Variants in TXNRD3 observed in about 807,000 individuals in gnomAD.
TXNRD3 encodes the protein thioredoxin reductase 3, also known as TXNRD3 neighbor gene protein.
In TXNRD3, 68 loss-of-function variants were observed where a neutral mutation model predicts 78.2. The ratio of observed to expected loss-of-function variants is 0.87; its 90% CI spans 0.72 to 1.06. The LOEUF (loss-of-function observed/expected upper bound fraction) is 1.06, where lower values mean the gene tolerates loss of function less well. Among genes scored for constraint, TXNRD3 ranks in the 50% least tolerant of loss-of-function variants. TXNRD3 has a pLI of 0.00. For synonymous variants in TXNRD3, 296 were observed against 300.1 expected, an observed-to-expected ratio of 0.99 and a Z score of 0.14; for missense variants, 751 against 809.5, an observed-to-expected ratio of 0.93 and a Z score of 0.88.
At chr3:126,640,263 C>T (rs1317991814) in intron 6 of TXNRD3, among the ~76,000 whole-genome samples, 37 of 33,990 alleles carry the variant, frequency 1.1e-3, no homozygotes, top group Non-Finnish European at 1.9e-3. Context: ...CGCCACTACG[C>T]CCGGCTAATT....
At chr3:126,626,064 A>T (rs1325664159) in intron 10 of TXNRD3, 1 of 152,250 alleles carries the variant, frequency 6.6e-6, no homozygotes, top group African/African-American at 2.4e-5. Context: ...TTTCTTTTCA[A>T]AAGTCTCCAA....
At chr3:126,627,466 G>A (rs1938606408) in intron 10 of TXNRD3, among the ~76,000 whole-genome samples, 2 of 152,216 alleles carry the variant, frequency 1.3e-5, no homozygotes, top group South Asian at 2.1e-4. Context: ...CTAAAGGAGT[G>A]TGGATTACAT....
At chr3:126,640,324 G>A (rs1933042567) in intron 6 of TXNRD3, among the ~76,000 whole-genome samples, 1 of 76,222 alleles carries the variant, frequency 1.3e-5, no homozygotes, top group African/African-American at 3.8e-5. Context: ...AGCCAGGATG[G>A]TCTCGATCTC....
chr3:126,654,669 CCGGACCCG>C, intron 1 of TXNRD3, 71 bp downstream of exon 1: 1 of 1,024,528 alleles, frequency 9.8e-7, no homozygotes, highest in Non-Finnish European at 1.2e-6. Flanking sequence ...GCGCCCCGGC[CCGGACCCG>C]CCCTGCCCCG....
intron 10 of TXNRD3, among the ~76,000 whole-genome samples, chr3:126,625,483 A>T (rs1431572943): frequency 3.3e-5 from 5 of 151,532 alleles, no homozygotes; most frequent in East Asian, 3.9e-4. Context: ...AAGGACATGA[A>T]CTCATCATTT....
At chr3:126,638,227 G>A (rs1043583795) in intron 6 of TXNRD3, among the ~76,000 whole-genome samples, 11 of 152,134 alleles carry the variant, frequency 7.2e-5, no homozygotes, top group African/African-American at 2.7e-4. Context: ...ACAGGCGTGA[G>A]CCACCACGTC....
chr3:126,654,797 C>T lies in TXNRD3; in HGVS notation c.194G>A (p.Arg65His). Residue 65 changes from arginine to histidine, a missense_variant, in exon 1 of 16, where the codon CGC (arginine) becomes CAC (histidine). Transcript: ENST00000524230. ...CTTGCTGAAGATCACCACCCGGCTGCGCTCGATGAGGCCCACGAGGTGGCG... is the reference window on the plus strand; with the variant it reads ...CTTGCTGAAGATCACCACCCGGCTGTGCTCGATGAGGCCCACGAGGTGGCG... 7.0e-7 allele frequency: 1 copy of T among 1,431,288 alleles called. No individual in the cohort carries two copies. The highest frequency in any genetic ancestry group is 9.1e-7 in the Non-Finnish European group (1 of 1,093,598). 88.7% of individuals were successfully genotyped at this position (1,431,288 alleles called of 1,614,324 possible).
intron 12 of TXNRD3, among the ~76,000 whole-genome samples, chr3:126,618,612 T>C (rs926048674): frequency 4.6e-5 from 7 of 152,080 alleles, no homozygotes; most frequent in Non-Finnish European, 7.4e-5. Flanking sequence ...ATAAAACTAC[T>C]AGAGGAAAAC....
In TXNRD3 at chr3:126,623,851, C is replaced by CAAAAAAAAAAAAAA. The variant is rs758992893; in HGVS notation, c.1291-1312_1291-1311insTTTTTTTTTTTTTT. Among the ~76,000 whole-genome samples, 26 of 89,764 alleles carry CAAAAAAAAAAAAAA rather than the reference C, an allele frequency of 2.9e-4. 4 individuals carry two copies. The highest frequency in any genetic ancestry group is 4.4e-4 in the South Asian group (1 of 2,286). The allele number at this position is 89,764 out of a possible 152,430, so 58.9% of individuals were successfully genotyped here. ...GGAGGTATTAGCCAGTGAAACAAGG[C>CAAAAAAAAAAAAAA]CAAAAAAAAAAAAAAAAAAGATTAA... On this transcript the variant is annotated intron_variant, in intron 10 of 15. Coordinates refer to ENST00000524230, the MANE Select transcript of TXNRD3 (RefSeq NM_052883.3).
In TXNRD3 at chr3:126,618,863, CAAAAAAAA is replaced by C. The variant is rs36021189; in HGVS notation, c.1524+2871_1524+2878del. Reference sequence around the variant, plus strand: ...ACAAGGAACTCAAACAACTCAGAGCCAAAAAAAAAAAAAAAAAAAAGAATTTGATTTAA... The same window carrying C: ...ACAAGGAACTCAAACAACTCAGAGCCAAAAAAAAAAAAGAATTTGATTTAA... On this transcript the variant is annotated intron_variant, in intron 12 of 15. Transcript: ENST00000524230. Among the ~76,000 whole-genome samples, 109 of 73,118 alleles carry C rather than the reference CAAAAAAAA, an allele frequency of 1.5e-3. 2 individuals carry two copies. The highest frequency in any genetic ancestry group is 4.9e-3 in the African/African-American group (107 of 21,796). The allele number at this position is 73,118 out of a possible 152,430, so 48.0% of individuals were successfully genotyped here. A position where few individuals can be genotyped will look rare whatever the true frequency, so the allele number is the denominator to read the frequency against.
chr3:126,640,107 T>TC lies in TXNRD3; in HGVS notation c.712+1924_712+1925insG, dbSNP rs1403536321. ...TGCTTGTGTTTTCTTTTTTTTTTTT[T>TC]TTTTTTTTTTTTTTTGAGACGGAGT... is the stretch of plus-strand genomic sequence containing the variant. On this transcript the variant is annotated intron_variant, in intron 6 of 15. Coordinates refer to ENST00000524230, the MANE Select transcript of TXNRD3 (RefSeq NM_052883.3). Among the ~76,000 whole-genome samples the TC allele has an allele frequency of 6.3e-4, 4 of 6,322 alleles. 2 individuals are homozygous for TC. The highest frequency in any genetic ancestry group is 9.4e-4 in the African/African-American group (4 of 4,242). The allele number at this position is 6,322 out of a possible 152,430, so 4.1% of individuals were successfully genotyped here. A position where few individuals can be genotyped will look rare whatever the true frequency, so the allele number is the denominator to read the frequency against.
chr3:126,652,274 C>T (rs1933409464), intron 1 of TXNRD3, among the ~76,000 whole-genome samples: 1 of 152,092 alleles, frequency 6.6e-6, no homozygotes, highest in African/African-American at 2.4e-5. Context: ...GACCAGATCT[C>T]ATGAGAATTC....
chr3:126,628,175 C>CA (rs1938623899), intron 10 of TXNRD3, among the ~76,000 whole-genome samples: 1 of 151,990 alleles, frequency 6.6e-6, no homozygotes, highest in African/African-American at 2.4e-5. Context: ...ACTTAGGTAA[C>CA]AAAAAATAGA....
chr3:126,613,298 G>A (rs1295488854), intron 13 of TXNRD3, among the ~76,000 whole-genome samples: 1 of 152,112 alleles, frequency 6.6e-6, no homozygotes, highest in African/African-American at 2.4e-5. Context: ...CTATGCAAGA[G>A]CAAGATGAGC....
chr3:126,612,032 GTTTA>G (rs1027900294), intron 13 of TXNRD3, among the ~76,000 whole-genome samples: 4 of 151,550 alleles, frequency 2.6e-5, no homozygotes, highest in Admixed American at 1.3e-4. Context: ...CCATTTTTTT[GTTTA>G]TTTGTTTGTT....
chr3:126,609,584 T>C (rs1938145599), intron 14 of TXNRD3, among the ~76,000 whole-genome samples: 1 of 152,182 alleles, frequency 6.6e-6, no homozygotes, highest in South Asian at 2.1e-4. Context: ...AGTATTTCCA[T>C]TTCGTAAGTT....
At chr3:126,611,225 A>C in intron 13 of TXNRD3, 93 bp from the exon 14 acceptor site, 5 of 748,046 alleles carry the variant, frequency 6.7e-6, no homozygotes, top group African/African-American at 1.8e-5. Flanking sequence ...AATAATCTCC[A>C]TAGCAGCTTT....
chr3:126,622,598 A>G, intron 10 of TXNRD3, 58 bp from the exon 11 acceptor site: 8 of 1,244,720 alleles, frequency 6.4e-6, no homozygotes, highest in Non-Finnish European at 9.0e-6. Flanking sequence ...GAAAGAAGGA[A>G]CATCACTATA....
intron 12 of TXNRD3, among the ~76,000 whole-genome samples, chr3:126,619,218 T>A (rs1938387035): frequency 6.6e-6 from 1 of 151,980 alleles, no homozygotes; most frequent in African/African-American, 2.4e-5. Context: ...CTAATATTTA[T>A]CGAAAGGAAA....
Sources: allele counts gnomAD v4.1 joint callset (sites outside exome capture counted in the v4.1 genomes callset), GRCh38; gene constraint gnomAD v4.1.1; transcripts MANE v1.5; gene names NCBI Gene and HGNC (gene_info 2026-07-23, HGNC 2026-07-21).